The following ZFHX3 variants were observed in gnomAD, a reference collection of about 807,000 sequenced individuals.
The protein encoded by ZFHX3 is zinc finger homeobox protein 3.
A neutral mutation model predicts 279.1 loss-of-function variants in ZFHX3; 42 were observed. The ratio of observed to expected loss-of-function variants is 0.15; its 90% CI spans 0.12 to 0.19. The LOEUF is 0.19. Among genes scored for constraint, ZFHX3 ranks in the 10% least tolerant of loss-of-function variants. The probability of loss-of-function intolerance (pLI) is 1.00; values close to 1 mark genes in which losing one functional copy is unlikely to be tolerated. For missense variants in ZFHX3, 4,981 were observed against 4,754.0 expected (o/e 1.05, Z -1.40); for synonymous variants, 2,293 against 1,957.8 (o/e 1.17, Z -4.52).
intron 1 of ZFHX3, among the ~76,000 whole-genome samples, chr16:73,742,341 T>C (rs1247995776): frequency 6.6e-6 from 1 of 152,134 alleles, no homozygotes; most frequent in Admixed American, 6.5e-5. Context: ...ACAAAATGTG[T>C]TTGAAGAGGG....
intron 8 of ZFHX3, among the ~76,000 whole-genome samples, chr16:73,066,568 AT>A (rs1363822738): frequency 1.3e-5 from 2 of 151,474 alleles, no homozygotes; most frequent in Non-Finnish European, 2.9e-5. Flanking sequence ...CACGTAGGGC[AT>A]GGCCCAACGG....
chr16:73,552,319 A>G (rs1390776776), intron 2 of ZFHX3, among the ~76,000 whole-genome samples: 1 of 152,196 alleles, frequency 6.6e-6, no homozygotes, highest in African/African-American at 2.4e-5. Flanking sequence ...AGAGAAATAC[A>G]TACCTATTAT....
chr16:73,080,740 A>T (rs1348372690), intron 8 of ZFHX3, among the ~76,000 whole-genome samples: 1 of 151,992 alleles, frequency 6.6e-6, no homozygotes, highest in African/African-American at 2.4e-5. Flanking sequence ...TGCCTGGCTA[A>T]TTTTTAAAAA....
chr16:73,294,029 T>C (rs2014842467), intron 4 of ZFHX3: 1 of 149,382 alleles, frequency 6.7e-6, no homozygotes, highest in Admixed American at 6.6e-5. Flanking sequence ...AAGCTCAGTA[T>C]TGAAACTCTG....
At chr16:72,813,001 A>G (rs905056192) in intron 5 of ZFHX3, among the ~76,000 whole-genome samples, 6 of 152,190 alleles carry the variant, frequency 3.9e-5, no homozygotes, top group African/African-American at 1.4e-4. Context: ...AGAGGCAAAC[A>G]CTTTGATAAG....
chr16:73,534,188 G>A (rs965102621), intron 2 of ZFHX3, among the ~76,000 whole-genome samples: 2 of 152,084 alleles, frequency 1.3e-5, no homozygotes, highest in Non-Finnish European at 2.9e-5. Flanking sequence ...TCCAGCCATG[G>A]TGAATTCTTC....
chr16:73,169,010 AT>A (rs765443006), intron 5 of ZFHX3, among the ~76,000 whole-genome samples: 7 of 152,138 alleles, frequency 4.6e-5, no homozygotes, highest in Non-Finnish European at 7.3e-5. Flanking sequence ...TTTTAGAACT[AT>A]TGTTTGGTTC....
At chr16:72,932,864 C>A (rs1033382259) in intron 3 of ZFHX3, among the ~76,000 whole-genome samples, 1 of 152,144 alleles carries the variant, frequency 6.6e-6, no homozygotes, top group Non-Finnish European at 1.5e-5. Context: ...CATGTATTAT[C>A]TCATTTAAGT....
chr16:73,465,846 G>T (rs150190479), intron 2 of ZFHX3, among the ~76,000 whole-genome samples: 108 of 152,256 alleles, frequency 7.1e-4, no homozygotes, highest in African/African-American at 2.6e-3. Context: ...CTAAGTTCCA[G>T]GGGCAGAGCT....
intron 1 of ZFHX3, among the ~76,000 whole-genome samples, chr16:73,723,070 G>A (rs1036998281): frequency 2.0e-5 from 3 of 152,010 alleles, no homozygotes; most frequent in African/African-American, 4.8e-5. Flanking sequence ...GACCATACTC[G>A]CCATCCATTT....
rs1386822258 is a variant in ZFHX3 at position 73,469,660 on chromosome 16, C to T, written c.-1546-13402G>A. 1.4e-4 allele frequency among the ~76,000 whole-genome samples: 22 copies of T among 151,988 alleles called. 1 individual carries two copies. The highest frequency in any genetic ancestry group is 1.4e-3 in the Admixed American group (22 of 15,252). On this transcript the variant is annotated intron_variant, in intron 2 of 17. Coordinates refer to the ZFHX3 transcript ENST00000641206. ...TGAGACAGAATCTCACTCTGTCACC[C>T]AGGCTGGAGTGCAGTGGCGTGATCT... is the stretch of plus-strand genomic sequence containing the variant.
chr16:73,611,009 G>A (rs938578128), intron 2 of ZFHX3, among the ~76,000 whole-genome samples: 2 of 152,196 alleles, frequency 1.3e-5, no homozygotes, highest in Admixed American at 6.5e-5. Context: ...ACCTCAACTC[G>A]AGCAGAAACA....
At chr16:73,093,768 A>T (rs1344964832) in intron 7 of ZFHX3, 1 of 279,120 alleles carries the variant, frequency 3.6e-6, no homozygotes, top group East Asian at 8.4e-5. Context: ...GAAAAACGCA[A>T]CCTAAATTCC....
At chr16:73,573,692 A>G (rs1784944550) in intron 2 of ZFHX3, among the ~76,000 whole-genome samples, 1 of 152,250 alleles carries the variant, frequency 6.6e-6, no homozygotes, top group African/African-American at 2.4e-5. Flanking sequence ...GATGCTGTAT[A>G]TAACTATGAT....
At chr16:73,338,271 T>C (rs929960924) in intron 3 of ZFHX3, among the ~76,000 whole-genome samples, 1 of 151,972 alleles carries the variant, frequency 6.6e-6, no homozygotes, top group African/African-American at 2.4e-5. Context: ...TCACCCACTG[T>C]CTCCCCTGTC....
At chr16:73,561,177 A>G (rs888570127) in intron 2 of ZFHX3, among the ~76,000 whole-genome samples, 2 of 152,194 alleles carry the variant, frequency 1.3e-5, no homozygotes, top group African/African-American at 4.8e-5. Flanking sequence ...CCAGATTTGA[A>G]CCAGTATGAT....
intron 1 of ZFHX3, among the ~76,000 whole-genome samples, chr16:73,020,456 T>C (rs750843251): frequency 1.3e-5 from 2 of 152,202 alleles, no homozygotes; most frequent in East Asian, 3.9e-4. Context: ...CCACACAGAG[T>C]GTAAGGGCCA....
At chr16:73,340,267 G>A (rs2016005921) in intron 3 of ZFHX3, among the ~76,000 whole-genome samples, 1 of 152,348 alleles carries the variant, frequency 6.6e-6, no homozygotes, top group South Asian at 2.1e-4. Context: ...CTGGAATAGA[G>A]CAGACAGTCT....
chr16:73,042,857 G>A lies in ZFHX3; in HGVS notation c.-50+4895C>T, dbSNP rs1014917834. On this transcript the variant is annotated intron_variant, in intron 1 of 9. Transcript: ENST00000268489. ...TCCATACATTCCTAACTGCTGCCCCGAAAGACCCACTTACAATTAAACTCC... is the reference window on the plus strand; with the variant it reads ...TCCATACATTCCTAACTGCTGCCCCAAAAGACCCACTTACAATTAAACTCC... 1.1e-4 allele frequency among the ~76,000 whole-genome samples: 16 copies of A among 151,838 alleles called. No homozygotes were observed. The East Asian group carries it at 2.5e-3, about 24-fold the overall frequency.
Sources: gnomAD v4.1 joint callset for allele counts (sites outside exome capture counted in the v4.1 genomes callset) on GRCh38, gnomAD v4.1.1 for gene constraint, MANE v1.5 for transcripts, NCBI Gene and HGNC (gene_info 2026-07-23, HGNC 2026-07-21) for gene names.